PPP2R2B: variants seen among roughly 807,000 people sequenced by gnomAD.
PPP2R2B encodes the protein protein phosphatase 2 regulatory subunit Bbeta.
Under a neutral mutation model 46.0 loss-of-function variants are expected in PPP2R2B, and 5 were observed. The ratio of observed to expected loss-of-function variants is 0.11; its 90% CI spans 0.06 to 0.23. The LOEUF (loss-of-function observed/expected upper bound fraction) is 0.23, where lower values mean the gene tolerates loss of function less well. Ranked by LOEUF, PPP2R2B falls within the 10% of genes least tolerant of loss-of-function variation. PPP2R2B has a pLI of 1.00. For synonymous variants in PPP2R2B, 215 were observed against 206.7 expected (o/e 1.04, Z -0.34); for missense variants, 367 against 575.0 (o/e 0.64, Z 3.70).
chr5:147,038,827 A>G (rs1225123723), intron 1 of PPP2R2B, among the ~76,000 whole-genome samples: 1 of 152,178 alleles, frequency 6.6e-6, no homozygotes, highest in African/African-American at 2.4e-5. Context: ...AGGTGGTCTG[A>G]TCTAGGGCCA....
intron 2 of PPP2R2B, among the ~76,000 whole-genome samples, chr5:146,732,160 C>T (rs536254409): frequency 7.9e-5 from 12 of 152,278 alleles, no homozygotes; most frequent in African/African-American, 2.9e-4. Flanking sequence ...ATTTATTCTG[C>T]TTCTAACTTA....
chr5:146,757,991 A>G (rs1324796612), intron 2 of PPP2R2B, among the ~76,000 whole-genome samples: 1 of 152,210 alleles, frequency 6.6e-6, no homozygotes, highest in Non-Finnish European at 1.5e-5. Context: ...AAAACAACCA[A>G]GGAAGGACAT....
At chr5:146,923,186 T>C (rs1330947201) in intron 1 of PPP2R2B, among the ~76,000 whole-genome samples, 2 of 152,210 alleles carry the variant, frequency 1.3e-5, no homozygotes, top group Admixed American at 6.5e-5. Context: ...AGATTCTCAA[T>C]ATATCTAGGT....
intron 1 of PPP2R2B, among the ~76,000 whole-genome samples, chr5:147,022,286 G>A (rs940768284): frequency 6.6e-6 from 1 of 151,954 alleles, no homozygotes; most frequent in Non-Finnish European, 1.5e-5. Flanking sequence ...GGCCAGGCGC[G>A]GTGACACTCT....
chr5:146,959,334 G>C (rs1250235531), intron 1 of PPP2R2B, among the ~76,000 whole-genome samples: 1 of 152,104 alleles, frequency 6.6e-6, no homozygotes, highest in Non-Finnish European at 1.5e-5. Flanking sequence ...ACTCTAAGGG[G>C]ATTGAGACAT....
chr5:146,974,275 T>C (rs193144954), intron 1 of PPP2R2B, among the ~76,000 whole-genome samples: 4 of 152,254 alleles, frequency 2.6e-5, no homozygotes, highest in Admixed American at 2.6e-4. Context: ...TGCTTTATAC[T>C]GTTCTAAGTC....
At chr5:146,894,898 C>A (rs926113232) in intron 1 of PPP2R2B, among the ~76,000 whole-genome samples, 3 of 152,198 alleles carry the variant, frequency 2.0e-5, no homozygotes, top group Non-Finnish European at 2.9e-5. Context: ...CCTGTAAGCT[C>A]TTTGGGGCCA....
chr5:146,948,088 T>C (rs1582478803), intron 1 of PPP2R2B, among the ~76,000 whole-genome samples: 1 of 152,096 alleles, frequency 6.6e-6, no homozygotes, highest in East Asian at 2.0e-4. Flanking sequence ...TGTGTTCATA[T>C]AATCGTTTCC....
At position 146,698,298 on chromosome 5, in the gene PPP2R2B, G is replaced by GAAAAAA. The variant is rs779839513; in HGVS notation, c.169-160_169-155dup. On this transcript the variant is annotated intron_variant, in intron 3 of 9. Transcript: ENST00000394411. ...GGCCATGATAGTCACTAGCACCTCT[G>GAAAAAA]AAAAAAAAAAAAAAAAAAAATATAT... 9.0e-4 allele frequency among the ~76,000 whole-genome samples: 13 copies of GAAAAAA among 14,492 alleles called. 2 individuals are homozygous for GAAAAAA. The highest frequency in any genetic ancestry group is 1.6e-3 in the African/African-American group (5 of 3,130). 9.5% of individuals were successfully genotyped at this position (14,492 alleles called of 152,430 possible).
chr5:146,723,419 G>A lies in PPP2R2B; in HGVS notation c.71-22277C>T, dbSNP rs146860743. On this transcript the variant is annotated intron_variant, in intron 2 of 9. Coordinates refer to ENST00000394411, the MANE Select transcript of PPP2R2B (RefSeq NM_181675.4). ...GTCGGAATACTGATAATCTCTGGGC[G>A]AGGGAGAATTAAGTAAGAGTGGGCA... 5.2e-3 allele frequency among the ~76,000 whole-genome samples: 787 copies of A among 152,266 alleles called. 4 individuals carry two copies. Among genetic ancestry groups the A allele is most frequent in the Admixed American group, 0.012 (176 of 15,290 alleles).
chr5:147,000,570 G>A (rs1386938781), intron 1 of PPP2R2B, among the ~76,000 whole-genome samples: 1 of 151,850 alleles, frequency 6.6e-6, no homozygotes. Context: ...TAGATCCCTT[G>A]CATGCACAGT....
At chr5:146,859,848 G>C (rs1350339730) in intron 2 of PPP2R2B, among the ~76,000 whole-genome samples, 1 of 152,082 alleles carries the variant, frequency 6.6e-6, no homozygotes, top group East Asian at 1.9e-4. Flanking sequence ...GTAGAACGTG[G>C]CCTATGTATA....
intron 5 of PPP2R2B, among the ~76,000 whole-genome samples, chr5:146,690,118 T>C (rs1479563851): frequency 6.6e-6 from 1 of 152,188 alleles, no homozygotes; most frequent in Non-Finnish European, 1.5e-5. Context: ...CTGTCTCCCT[T>C]CTTACTTTTG....
upstream of PPP2R2B, among the ~76,000 whole-genome samples, chr5:146,882,959 C>T (rs1175391912): frequency 2.0e-5 from 3 of 152,146 alleles, no homozygotes; most frequent in Admixed American, 6.5e-5. Context: ...TTGTCATGGT[C>T]CCCTCCCCCA....
intron 2 of PPP2R2B, among the ~76,000 whole-genome samples, chr5:146,825,174 A>T: frequency 6.6e-6 from 1 of 152,212 alleles, no homozygotes; most frequent in Non-Finnish European, 1.5e-5. Flanking sequence ...AGCCGACGTT[A>T]TCACATAGAC....
At chr5:147,047,124 TC>T (rs1030309184) in intron 1 of PPP2R2B, among the ~76,000 whole-genome samples, 1 of 152,046 alleles carries the variant, frequency 6.6e-6, no homozygotes, top group Non-Finnish European at 1.5e-5. Context: ...CCAGGGTTCT[TC>T]CTATCACCAT....
chr5:146,913,429 T>C (rs559980675), intron 1 of PPP2R2B, among the ~76,000 whole-genome samples: 4 of 152,332 alleles, frequency 2.6e-5, no homozygotes, highest in African/African-American at 7.2e-5. Flanking sequence ...GGCAGAAACA[T>C]GCAAGGAAGT....
intron 1 of PPP2R2B, among the ~76,000 whole-genome samples, chr5:146,947,223 T>G (rs1764511745): frequency 6.6e-6 from 1 of 152,210 alleles, no homozygotes; most frequent in African/African-American, 2.4e-5. Context: ...CTGCACAGCA[T>G]TTATGCTCTC....
chr5:146,937,361 G>T (rs1282789777), intron 1 of PPP2R2B, among the ~76,000 whole-genome samples: 1 of 151,888 alleles, frequency 6.6e-6, no homozygotes, highest in Non-Finnish European at 1.5e-5. Context: ...GTAGTAAGTG[G>T]CAGAGCTGGG....
Sources: allele counts gnomAD v4.1 joint callset (sites outside exome capture counted in the v4.1 genomes callset), GRCh38; gene constraint gnomAD v4.1.1; transcripts MANE v1.5; gene names NCBI Gene and HGNC (gene_info 2026-07-23, HGNC 2026-07-21).